PDE4B: variants seen among roughly 807,000 people sequenced by gnomAD.
PDE4B encodes 3',5'-cyclic-AMP phosphodiesterase 4B.
PDE4B carries 20 observed loss-of-function variants against 82.2 expected under a neutral mutation model. That is an observed-to-expected ratio of 0.24 (90% CI 0.17 to 0.35). PDE4B has a LOEUF of 0.35. PDE4B is among the 10% of genes least tolerant of loss of function. The pLI is 1.00. For synonymous variants in PDE4B, 320 were observed against 318.9 expected, an observed-to-expected ratio of 1.00 and a Z score of -0.04; for missense variants, 655 against 907.2, an observed-to-expected ratio of 0.72 and a Z score of 3.57.
intron 3 of PDE4B, among the ~76,000 whole-genome samples, chr1:66,090,621 A>ATGTGTGTGTG (rs146947689): frequency 0.076 from 9,341 of 122,282 alleles, 590 homozygotes; most frequent in South Asian, 0.17. Context: ...TATATAATAT[A>ATGTGTGTGTG]TGTGTGTGTG....
intron 3 of PDE4B, among the ~76,000 whole-genome samples, chr1:66,084,841 G>A (rs543641046): frequency 1.1e-4 from 16 of 152,286 alleles, no homozygotes; most frequent in African/African-American, 3.9e-4. Flanking sequence ...ACAAGGCAGA[G>A]TCCCAAGCAT....
At chr1:66,111,256 T>C (rs181969420) in intron 3 of PDE4B, among the ~76,000 whole-genome samples, 4 of 152,260 alleles carry the variant, frequency 2.6e-5, no homozygotes, top group Admixed American at 2.0e-4. Flanking sequence ...TATTTTCTTA[T>C]TGTGTAAAAT....
At chr1:65,947,411 T>C (rs1016060363) in intron 3 of PDE4B, among the ~76,000 whole-genome samples, 2 of 152,020 alleles carry the variant, frequency 1.3e-5, no homozygotes, top group African/African-American at 4.8e-5. Flanking sequence ...GGGACCACCA[T>C]TCCTGTCTCC....
intron 3 of PDE4B, among the ~76,000 whole-genome samples, chr1:65,956,303 T>G (rs1484189588): frequency 6.6e-6 from 1 of 152,162 alleles, no homozygotes; most frequent in African/African-American, 2.4e-5. Context: ...TGGTCCTGTT[T>G]TAATTCAGGA....
intron 3 of PDE4B, among the ~76,000 whole-genome samples, chr1:66,059,622 G>C (rs1461434288): frequency 6.6e-6 from 1 of 152,110 alleles, no homozygotes; most frequent in Non-Finnish European, 1.5e-5. Context: ...CTCTCATTTT[G>C]AAAACCATCA....
chr1:65,894,654 C>CA (rs1646889319), intron 1 of PDE4B, among the ~76,000 whole-genome samples: 1 of 151,996 alleles, frequency 6.6e-6, no homozygotes, highest in African/African-American at 2.4e-5. Context: ...AACATGTAAG[C>CA]AACTCTTACA....
intron 3 of PDE4B, among the ~76,000 whole-genome samples, chr1:66,189,542 T>C (rs1647543344): frequency 2.0e-5 from 3 of 152,210 alleles, no homozygotes; most frequent in Admixed American, 2.0e-4. Context: ...CTTTTTATTC[T>C]TTTTTCTCTA....
chr1:66,276,032 C>T (rs906620181), intron 7 of PDE4B, among the ~76,000 whole-genome samples: 4 of 152,160 alleles, frequency 2.6e-5, no homozygotes, highest in African/African-American at 9.7e-5. Context: ...GCTATTTTCT[C>T]TCTGCCCCCT....
intron 3 of PDE4B, among the ~76,000 whole-genome samples, chr1:66,202,310 G>A (rs377614108): frequency 1.3e-5 from 2 of 151,988 alleles, no homozygotes; most frequent in African/African-American, 2.4e-5. Context: ...GTGCTGAAAA[G>A]AATGTATATT....
chr1:66,023,914 A>G (rs1269491211), intron 3 of PDE4B, among the ~76,000 whole-genome samples: 2 of 152,106 alleles, frequency 1.3e-5, no homozygotes, highest in Non-Finnish European at 2.9e-5. Flanking sequence ...ATGTGTCTCA[A>G]GTGGAGAGTT....
chr1:66,059,079 C>T (rs547251443), intron 3 of PDE4B, among the ~76,000 whole-genome samples: 6 of 152,108 alleles, frequency 3.9e-5, no homozygotes, highest in Non-Finnish European at 7.4e-5. Context: ...CCACCATATA[C>T]CCTCAATCAT....
At position 66,038,323 on chromosome 1, in the gene PDE4B, T is replaced by G. The variant is rs150829820; in HGVS notation, c.281+119488T>G. Among the ~76,000 whole-genome samples, 890 of 152,258 alleles carry G rather than the reference T, an allele frequency of 5.8e-3. 11 individuals carry two copies. The highest frequency in any genetic ancestry group is 0.02 in the African/African-American group (848 of 41,536). ...AGTAATAACACAATAATTTAATGAT[T>G]ATGTATGTGTTTGGCAGGAAGACAA... On this transcript the variant is annotated intron_variant, in intron 3 of 16. Coordinates refer to ENST00000341517, the MANE Select transcript of PDE4B (RefSeq NM_002600.4).
chr1:66,016,214 C>A (rs1435459041), intron 3 of PDE4B, among the ~76,000 whole-genome samples: 1 of 152,120 alleles, frequency 6.6e-6, no homozygotes, highest in African/African-American at 2.4e-5. Flanking sequence ...GACGTAATAA[C>A]CACTCAGTAA....
intron 1 of PDE4B, among the ~76,000 whole-genome samples, chr1:65,805,852 T>C (rs983367767): frequency 2.0e-5 from 3 of 152,184 alleles, no homozygotes; most frequent in African/African-American, 7.2e-5. Context: ...ATCCTTTAAA[T>C]GTGAAGTCTT....
chr1:66,357,451 G>T (rs2144719), intron 9 of PDE4B, among the ~76,000 whole-genome samples: 107,416 of 151,782 alleles, frequency 0.71, 39,479 homozygotes, highest in East Asian at 0.92. Context: ...AAATATGAGC[G>T]CTGAGTCTCA....
At chr1:65,957,179 G>A (rs1649304455) in intron 3 of PDE4B, among the ~76,000 whole-genome samples, 1 of 150,860 alleles carries the variant, frequency 6.6e-6, no homozygotes, top group African/African-American at 2.4e-5. Flanking sequence ...GTGCTTCTTG[G>A]TGGATAACAT....
intron 3 of PDE4B, among the ~76,000 whole-genome samples, chr1:65,968,152 C>T (rs1649947340): frequency 6.6e-6 from 1 of 152,040 alleles, no homozygotes; most frequent in Admixed American, 6.6e-5. Flanking sequence ...CTCAGACCAG[C>T]TGCGATTGAG....
chr1:65,948,858 C>T (rs987728520), intron 3 of PDE4B, among the ~76,000 whole-genome samples: 1 of 152,032 alleles, frequency 6.6e-6, no homozygotes, highest in Non-Finnish European at 1.5e-5. Context: ...CTGGCTCAGG[C>T]CTAAAAGCTG....
intron 3 of PDE4B, among the ~76,000 whole-genome samples, chr1:66,137,644 C>A (rs1337405): frequency 0.55 from 84,038 of 151,942 alleles, 25,060 homozygotes; most frequent in Non-Finnish European, 0.68. Flanking sequence ...GTCTGGACAG[C>A]ATGAAGAGTC....
Sources: allele counts gnomAD v4.1 joint callset (sites outside exome capture counted in the v4.1 genomes callset), GRCh38; gene constraint gnomAD v4.1.1; transcripts MANE v1.5; gene names NCBI Gene and HGNC (gene_info 2026-07-23, HGNC 2026-07-21).